Variants in GABRA2 observed in about 807,000 individuals in gnomAD.
The protein encoded by GABRA2 is gamma-aminobutyric acid type A receptor subunit alpha2.
Under a neutral mutation model 48.7 loss-of-function variants are expected in GABRA2, and 16 were observed. The observed-to-expected ratio is 0.33, with a 90% CI of 0.22 to 0.50. The LOEUF (loss-of-function observed/expected upper bound fraction) is 0.50. Among genes scored for constraint, GABRA2 ranks in the 20% least tolerant of loss-of-function variants. The pLI is 0.98. For missense variants in GABRA2, 275 were observed against 535.6 expected, an observed-to-expected ratio of 0.51 and a Z score of 4.80; for synonymous variants, 185 against 184.5, an observed-to-expected ratio of 1.00 and a Z score of -0.02.
At chr4:46,277,783 C>G (rs866660710) in intron 8 of GABRA2, among the ~76,000 whole-genome samples, 2 of 152,144 alleles carry the variant, frequency 1.3e-5, no homozygotes, top group Non-Finnish European at 2.9e-5. Flanking sequence ...CTGCAGCAAG[C>G]TAGAGAGCAC....
intron 6 of GABRA2, among the ~76,000 whole-genome samples, chr4:46,307,546 G>T (rs1726913968): frequency 6.6e-6 from 1 of 151,556 alleles, no homozygotes; most frequent in Non-Finnish European, 1.5e-5. Context: ...CATTTTTAAG[G>T]CACTAATGAG....
intron 4 of GABRA2, among the ~76,000 whole-genome samples, chr4:46,322,363 G>GAA (rs1419291707): frequency 2.0e-5 from 3 of 151,804 alleles, no homozygotes; most frequent in African/African-American, 7.3e-5. Flanking sequence ...TGGGGGTGAA[G>GAA]TAAAAACACT....
chr4:46,378,913 G>A (rs1716370060), intron 3 of GABRA2, among the ~76,000 whole-genome samples: 1 of 152,030 alleles, frequency 6.6e-6, no homozygotes, highest in Non-Finnish European at 1.5e-5. Flanking sequence ...TGCTGTATGG[G>A]GAGAAAGTGC....
intron 4 of GABRA2, among the ~76,000 whole-genome samples, chr4:46,317,524 A>T (rs1376446919): frequency 6.6e-6 from 1 of 151,834 alleles, no homozygotes; most frequent in Non-Finnish European, 1.5e-5. Context: ...ACAGCAGGAA[A>T]TGGGGTAGTG....
At chr4:46,302,258 G>T (rs773913956) in intron 8 of GABRA2, among the ~76,000 whole-genome samples, 2 of 151,896 alleles carry the variant, frequency 1.3e-5, no homozygotes, top group African/African-American at 2.4e-5. Flanking sequence ...ACAGGGTCTT[G>T]CTATATTGCC....
rs866819292 is a variant in GABRA2 at position 46,312,711 on chromosome 4, A to G, written c.261T>C (p.Tyr87=). 3.4e-6 allele frequency: 5 copies of G among 1,452,516 alleles called. No homozygotes were observed. Among genetic ancestry groups the G allele is most frequent in the East Asian group, 4.8e-5 (2 of 41,444 alleles). The allele number at this position is 1,452,516 out of a possible 1,614,324, so 90.0% of individuals were successfully genotyped here. A position where few individuals can be genotyped will look rare whatever the true frequency, so the allele number is the denominator to read the frequency against. ...TTTGTCGAAAGAAAACATCAATTGT[A>G]TATTCCTGAAATAAAAAATAGAATT... ...FGPVSDTDME[Y]TIDVFFRQKW... is the part of the protein sequence containing the mutation. The change falls in exon 5 of 10, where the codon TAT becomes TAC. Residue 87 remains tyrosine, a synonymous_variant. Coordinates refer to ENST00000381620, the MANE Select transcript of GABRA2 (RefSeq NM_000807.4).
intron 8 of GABRA2, among the ~76,000 whole-genome samples, chr4:46,293,240 A>G (rs984403595): frequency 6.6e-6 from 1 of 151,988 alleles, no homozygotes; most frequent in Non-Finnish European, 1.5e-5. Flanking sequence ...TGCCTCAATC[A>G]GTTTCCAGAC....
chr4:46,343,305 G>A (rs1733607046), intron 3 of GABRA2, among the ~76,000 whole-genome samples: 1 of 151,930 alleles, frequency 6.6e-6, no homozygotes, highest in African/African-American at 2.4e-5. Context: ...ATAATTTCTG[G>A]AACGTAGTAG....
chr4:46,257,665 A>G (rs1050611577), intron 9 of GABRA2, among the ~76,000 whole-genome samples: 10 of 151,794 alleles, frequency 6.6e-5, no homozygotes, highest in African/African-American at 2.2e-4. Flanking sequence ...TTAATAATTG[A>G]TTAAAGAACT....
chr4:46,263,912 T>TTCTCTCTCTCTCTC (rs3068324), intron 8 of GABRA2, among the ~76,000 whole-genome samples: 4 of 145,084 alleles, frequency 2.8e-5, no homozygotes, highest in African/African-American at 1.0e-4. Context: ...ATTAGATCAA[T>TTCTCTCTCTCTCTC]TCTCTCTCTC....
chr4:46,305,489 G>A (rs1726522745), intron 7 of GABRA2, 79 bp downstream of exon 7: 3 of 1,296,872 alleles, frequency 2.3e-6, no homozygotes, highest in Non-Finnish European at 3.2e-6. Context: ...AAGATTTTAA[G>A]CAATCTGACA....
rs538183429 is a variant in GABRA2 at position 46,349,548 on chromosome 4, T to C, written c.188-16866A>G. Among the ~76,000 whole-genome samples, 8 of 152,116 alleles carry C rather than the reference T, an allele frequency of 5.3e-5. No individual in the cohort carries two copies. In the East Asian group the frequency reaches 1.5e-3, roughly 29 times the overall value. ...TAAAAAACATAGGTTTTAAGATCGGTTGCTTTTGTTTCAAGTAGAGTTTGG... is the reference window on the plus strand; with the variant it reads ...TAAAAAACATAGGTTTTAAGATCGGCTGCTTTTGTTTCAAGTAGAGTTTGG... On this transcript the variant is annotated intron_variant, in intron 3 of 9. Transcript: ENST00000381620.
intron 8 of GABRA2, among the ~76,000 whole-genome samples, chr4:46,268,667 T>G (rs983847877): frequency 6.6e-6 from 1 of 151,940 alleles, no homozygotes; most frequent in Non-Finnish European, 1.5e-5. Flanking sequence ...TACCATATGA[T>G]CCAGCAATCC....
At chr4:46,385,096 T>C (rs867691369) in intron 3 of GABRA2, among the ~76,000 whole-genome samples, 1 of 122,912 alleles carries the variant, frequency 8.1e-6, no homozygotes, top group East Asian at 2.0e-4. Context: ...TATATATATA[T>C]ATATATATAT....
Position 46,250,493 on chromosome 4 carries a change from C to A in GABRA2, c.1171G>T (p.Ala391Ser). The A allele has an allele frequency of 6.2e-7, 1 of 1,611,988 alleles. No homozygotes were observed. The highest frequency in any genetic ancestry group is 8.5e-7 in the Non-Finnish European group (1 of 1,178,656). ...TTCTTGTTGGGTTCTGGCGTGGTTG[C>A]ACTCTTGGAGATGGTGGAGAGAACT... is the stretch of plus-strand genomic sequence containing the variant. ...DPVLSTISKS[A>S]TTPEPNKKPE... The change falls in exon 10 of 10, where the codon GCA (alanine) becomes TCA (serine). Residue 391 changes from alanine (A) to serine (S), a missense_variant. Transcript: ENST00000381620.
intron 3 of GABRA2, among the ~76,000 whole-genome samples, chr4:46,347,592 C>T (rs1161724307): frequency 6.6e-6 from 1 of 151,696 alleles, no homozygotes; most frequent in African/African-American, 2.4e-5. Flanking sequence ...AAGAATCCAC[C>T]CACAATTGAT....
At chr4:46,295,351 A>C (rs1200317562) in intron 8 of GABRA2, among the ~76,000 whole-genome samples, 1 of 152,222 alleles carries the variant, frequency 6.6e-6, no homozygotes, top group African/African-American at 2.4e-5. Flanking sequence ...GCATGATTGG[A>C]AAATTGGTGA....
At chr4:46,362,025 A>G (rs1713281793) in intron 3 of GABRA2, among the ~76,000 whole-genome samples, 1 of 152,206 alleles carries the variant, frequency 6.6e-6, no homozygotes, top group South Asian at 2.1e-4. Flanking sequence ...GGAGGAATTG[A>G]CTTAGCATGT....
chr4:46,278,718 G>A (rs1047840527), intron 8 of GABRA2, among the ~76,000 whole-genome samples: 39 of 151,938 alleles, frequency 2.6e-4, no homozygotes, highest in Admixed American at 6.6e-4. Context: ...TAGATTTCAA[G>A]GACTATATGA....
Sources: gnomAD v4.1 joint callset for allele counts (sites outside exome capture counted in the v4.1 genomes callset) on GRCh38, gnomAD v4.1.1 for gene constraint, MANE v1.5 for transcripts, NCBI Gene and HGNC (gene_info 2026-07-23, HGNC 2026-07-21) for gene names.